Variants in RTEL1 observed in about 807,000 individuals in gnomAD.
RTEL1 encodes the protein regulator of telomere length.
Under a neutral mutation model 162.2 loss-of-function variants are expected in RTEL1, and 86 were observed. The observed-to-expected ratio is 0.53, with a 90% CI of 0.45 to 0.63. The LOEUF (loss-of-function observed/expected upper bound fraction) is 0.63, where lower values mean the gene tolerates loss of function less well. Among genes scored for constraint, RTEL1 ranks in the 30% least tolerant of loss-of-function variants. RTEL1 has a pLI of 0.00. For missense variants in RTEL1, 1,941 were observed against 1,750.2 expected (o/e 1.11, Z -1.95); for synonymous variants, 958 against 717.9 (o/e 1.33, Z -5.35).
rs2090023496 is a variant in RTEL1 at position 63,661,687 on chromosome 20, G to C, written c.302-163G>C. The C allele has an allele frequency of 1.2e-6, 1 of 865,284 alleles. No homozygotes were observed. The allele number at this position is 865,284 out of a possible 1,614,324, so 53.6% of individuals were successfully genotyped here. On this transcript the variant is annotated intron_variant, in intron 3 of 34. Coordinates refer to ENST00000360203, the MANE Select transcript of RTEL1 (RefSeq NM_001283009.2). The surrounding 1 kb of genome is among the most constrained non-coding windows in gnomAD (Gnocchi z 5.1). Reference sequence around the variant, plus strand: ...AGGGTTGGGCTTTTTTGCTGAATTAGGGCACGGCAGATGCCCACTTCACCC... The same window carrying C: ...AGGGTTGGGCTTTTTTGCTGAATTACGGCACGGCAGATGCCCACTTCACCC...
intron 6 of RTEL1, 89 bp from the exon 7 acceptor site, chr20:63,665,915 T>G: frequency 8.0e-7 from 1 of 1,243,814 alleles, no homozygotes; most frequent in Non-Finnish European, 1.1e-6. Flanking sequence ...GCCCGCCGTG[T>G]AGGAGCCGTT....
chr20:63,693,931 C>T (rs1443391069), intron 30 of RTEL1, among the ~76,000 whole-genome samples: 2 of 151,118 alleles, frequency 1.3e-5, no homozygotes, highest in Non-Finnish European at 2.9e-5. Flanking sequence ...GTCCTAGGGT[C>T]CTAGACCCCT....
At chr20:63,694,044 G>A (rs1351313420) in intron 30 of RTEL1, among the ~76,000 whole-genome samples, 2 of 151,960 alleles carry the variant, frequency 1.3e-5, no homozygotes, top group African/African-American at 2.4e-5. Context: ...AGTTCCCCTA[G>A]TTCACCCAGG....
rs561762879 is a variant in RTEL1, at chr20:63,676,363, C to T, written c.920-1782C>T. Reference sequence around the variant, plus strand: ...CACGAGTTCCCCGGTTTACTCTGAACTTAGGTGGCTTGAGGGCCCCAGTTA... The same window carrying T: ...CACGAGTTCCCCGGTTTACTCTGAATTTAGGTGGCTTGAGGGCCCCAGTTA... On this transcript the variant is annotated intron_variant, in intron 10 of 34. Coordinates refer to ENST00000360203, the MANE Select transcript of RTEL1 (RefSeq NM_001283009.2). Among the ~76,000 whole-genome samples the T allele has an allele frequency of 2.6e-5, 4 of 152,298 alleles. No homozygotes were observed. In the East Asian group the frequency reaches 7.7e-4, roughly 29 times the overall value.
In RTEL1 at chr20:63,679,891, G is replaced by C; in HGVS notation, c.1080G>C (p.Gln360His). ...ELFAEAQITF[Q>H]TKGCILDSLD... ...TTGCTGAAGCCCAGATCACGTTTCA[G>C]ACCAAGGGCTGCATCCTGGACTCGC... is the stretch of plus-strand genomic sequence containing the variant. The change falls in exon 13 of 35, where the codon CAG (glutamine) becomes CAC (histidine). Residue 360 changes from glutamine (Q) to histidine (H), a missense_variant. By Grantham distance (24) the Gln-to-His change is conservative. Coordinates refer to ENST00000360203, the MANE Select transcript of RTEL1 (RefSeq NM_001283009.2). 5.0e-6 allele frequency: 8 copies of C among 1,612,246 alleles called. No homozygotes were observed. Among genetic ancestry groups the C allele is most frequent in the Non-Finnish European group, 6.8e-6 (8 of 1,179,988 alleles).
chr20:63,692,190 G>A (rs2090763038), intron 28 of RTEL1: 1 of 240,870 alleles, frequency 4.2e-6, no homozygotes, highest in Non-Finnish European at 8.2e-6. Context: ...TATAGCCGGA[G>A]CCAGGAAGCC....
At chr20:63,687,242 C>G (rs181723262) in intron 16 of RTEL1, 1 of 194,126 alleles carries the variant, frequency 5.2e-6, no homozygotes, top group African/African-American at 2.3e-5. Context: ...ACTCGCACCC[C>G]GTCTTCTGCA....
At chr20:63,685,035 G>T (rs1372696291) in intron 14 of RTEL1, among the ~76,000 whole-genome samples, 1 of 149,418 alleles carries the variant, frequency 6.7e-6, no homozygotes, top group Non-Finnish European at 1.5e-5. Context: ...ATGCCACCAT[G>T]CCCGGCTAGG....
chr20:63,690,517 C>T (rs2090711531), intron 26 of RTEL1, 76 bp downstream of exon 26: 2 of 1,413,428 alleles, frequency 1.4e-6, no homozygotes, highest in Non-Finnish European at 9.4e-7. Context: ...CACCAGGCGC[C>T]CAGGGCGGAG....
In RTEL1 at chr20:63,687,645, G is replaced by A; in HGVS notation, c.1356G>A (p.Val452=). ...STTAARKRGK[V]LSYWCFSPGH... ...CCGCCCCCCGCCCCACAGGGAAGGTGCTGAGCTACTGGTGCTTCAGTCCCG... is the reference window on the plus strand; with the variant it reads ...CCGCCCCCCGCCCCACAGGGAAGGTACTGAGCTACTGGTGCTTCAGTCCCG... The change falls in exon 17 of 35, where the codon GTG becomes GTA. Residue 452 remains valine, a synonymous_variant. Transcript: ENST00000360203. 1.2e-6 allele frequency: 2 copies of A among 1,608,376 alleles called. No homozygotes were observed. The highest frequency in any genetic ancestry group is 8.5e-7 in the Non-Finnish European group (1 of 1,178,868).
chr20:63,695,742 C>T (rs1173738896), intron 34 of RTEL1, 36 bp from the exon 35 acceptor site: 22 of 1,593,834 alleles, frequency 1.4e-5, no homozygotes, highest in Middle Eastern at 3.3e-4. Flanking sequence ...GTGGCAACGC[C>T]TGGCAGACGT....
chr20:63,688,226 C>T (rs1568708420), intron 19 of RTEL1, 47 bp downstream of exon 19: 7 of 1,609,902 alleles, frequency 4.3e-6, no homozygotes, highest in Non-Finnish European at 4.2e-6. Context: ...GATCCTGGAC[C>T]CCTGCTCCCA....
chr20:63,687,705 C>T lies in RTEL1; in HGVS notation c.1416C>T (p.Val472=), dbSNP rs1332456244. ...TGCACGAGCTGGTCCGCCAGGGCGTCCGCTCCCTCATCCTTACCAGCGGCA... is the reference window on the plus strand; with the variant it reads ...TGCACGAGCTGGTCCGCCAGGGCGTTCGCTCCCTCATCCTTACCAGCGGCA... ...HSMHELVRQG[V]RSLILTSGTL... is the part of the protein sequence containing the mutation. Residue 472 remains valine, a synonymous_variant, in exon 17 of 35, where the codon GTC becomes GTT. Transcript: ENST00000360203. 6.2e-7 allele frequency: 1 copy of T among 1,605,344 alleles called. No homozygotes were observed. The highest frequency in any genetic ancestry group is 1.3e-5 in the African/African-American group (1 of 74,798).
At chr20:63,666,878 C>T (rs372581129) in intron 7 of RTEL1, among the ~76,000 whole-genome samples, 125 of 131,008 alleles carry the variant, frequency 9.5e-4, no homozygotes, top group African/African-American at 1.8e-3. Flanking sequence ...CTCGCTCTGT[C>T]GCCCAGGCTG....
intron 10 of RTEL1, among the ~76,000 whole-genome samples, chr20:63,674,419 C>A (rs7265080): frequency 6.7e-4 from 102 of 152,312 alleles, no homozygotes; most frequent in African/African-American, 2.4e-3. Flanking sequence ...TTCTCCCAGC[C>A]AGTATCAACT....
At position 63,695,475 on chromosome 20, in the gene RTEL1, A is replaced by C; in HGVS notation, c.3647A>C (p.Glu1216Ala). ...SGPPHGPAAS[E>A]WGEPHGRDIA... ...CCTCCCCACGGGCCTGCAGCATCTG[A>C]GTGGGGTGAGCCTCATGGGAGAGAC... Residue 1216 changes from glutamate (E) to alanine (A), a missense_variant, in exon 34 of 35, where the codon GAG becomes GCG. By Grantham distance (107) the Glu-to-Ala change is moderately radical (BLOSUM62 -1). Transcript: ENST00000360203. The C allele has an allele frequency of 1.2e-6, 2 of 1,604,946 alleles. No homozygotes were observed. Among genetic ancestry groups the C allele is most frequent in the South Asian group, 2.2e-5 (2 of 89,946 alleles).
intron 30 of RTEL1, 55 bp downstream of exon 30, chr20:63,693,338 C>G: frequency 6.2e-7 from 1 of 1,601,784 alleles, no homozygotes; most frequent in Non-Finnish European, 8.5e-7. Flanking sequence ...GCAGTGTGGG[C>G]CAGAGTCCTG....
rs778388762 is a variant in RTEL1 at position 63,689,845 on chromosome 20, T to C, written c.2121T>C (p.Ala707=). Residue 707 remains alanine (A), a synonymous_variant, in exon 24 of 35, where the codon GCT becomes GCC. Transcript: ENST00000360203. ...TCCGGCACCGCCAGGACTACGGAGC[T>C]GTCTTCCTCTGTGACCACAGGTGCG... is the stretch of plus-strand genomic sequence containing the variant. ...RVIRHRQDYG[A]VFLCDHRFAF... The C allele has an allele frequency of 1.9e-6, 3 of 1,609,994 alleles. No individual in the cohort carries two copies. Among genetic ancestry groups the C allele is most frequent in the East Asian group, 4.5e-5 (2 of 44,862 alleles).
intron 14 of RTEL1, chr20:63,681,454 C>T (rs1319828208): frequency 1.0e-6 from 1 of 985,198 alleles, no homozygotes; most frequent in East Asian, 1.1e-4. Flanking sequence ...CTGTGCTGCC[C>T]ACGCTGTACC....
Sources: allele counts gnomAD v4.1 joint callset (sites outside exome capture counted in the v4.1 genomes callset), GRCh38; gene constraint gnomAD v4.1.1; non-coding constraint Gnocchi (gnomAD v3.1); transcripts MANE v1.5; gene names NCBI Gene and HGNC (gene_info 2026-07-23, HGNC 2026-07-21).